Variants in SEMA3C observed in about 807,000 individuals in gnomAD.
The protein encoded by SEMA3C is semaphorin-3C.
SEMA3C carries 47 observed loss-of-function variants against 89.4 expected under a neutral mutation model. That is an observed-to-expected ratio of 0.53 (90% CI 0.42 to 0.67). The LOEUF is 0.67. Among genes scored for constraint, SEMA3C ranks in the 30% least tolerant of loss-of-function variants. The probability of loss-of-function intolerance (pLI) is 0.00; values close to 1 mark genes in which losing one functional copy is unlikely to be tolerated. For synonymous variants in SEMA3C, 310 were observed against 320.2 expected (o/e 0.97, Z 0.34); for missense variants, 839 against 929.1 (o/e 0.90, Z 1.26).
chr7:80,859,641 A>G (rs1379836076), intron 2 of SEMA3C, among the ~76,000 whole-genome samples: 1 of 152,238 alleles, frequency 6.6e-6, no homozygotes, highest in Non-Finnish European at 1.5e-5. Context: ...TGTGTATTCT[A>G]TATTAACAAT....
At chr7:80,854,728 T>A (rs1356706815) in intron 2 of SEMA3C, among the ~76,000 whole-genome samples, 1 of 152,174 alleles carries the variant, frequency 6.6e-6, no homozygotes, top group Non-Finnish European at 1.5e-5. Flanking sequence ...CGAAATCCAG[T>A]TAGCTTATGA....
chr7:80,769,512 C>A (rs922986794), intron 12 of SEMA3C, among the ~76,000 whole-genome samples: 4 of 152,104 alleles, frequency 2.6e-5, no homozygotes, highest in Non-Finnish European at 5.9e-5. Context: ...ATACTTTATG[C>A]ATACCATTTT....
Position 80,745,162 on chromosome 7 carries a change from T to C in SEMA3C, c.1988A>G (p.Asp663Gly). Residue 663 changes from aspartate to glycine, a missense_variant, in exon 18 of 18, where the codon GAT becomes GGT. Transcript: ENST00000265361. ...TIAKINFKVL[D>G]SEMVAVVTDK... ...CGTCACAACAGCCACCATTTCTGAA[T>C]CTAAAACTTTGAAGTTGATCTTGGC... is the stretch of plus-strand genomic sequence containing the variant. 6.2e-7 allele frequency: 1 copy of C among 1,614,034 alleles called. No individual in the cohort carries two copies. Among genetic ancestry groups the C allele is most frequent in the Non-Finnish European group, 8.5e-7 (1 of 1,179,990 alleles).
intron 2 of SEMA3C, among the ~76,000 whole-genome samples, chr7:80,891,562 G>A (rs531088503): frequency 5.3e-5 from 8 of 152,094 alleles, no homozygotes; most frequent in African/African-American, 1.7e-4. Context: ...AGACATACAT[G>A]CCCTTTCTTT....
intron 2 of SEMA3C, among the ~76,000 whole-genome samples, chr7:80,865,525 C>A (rs985609422): frequency 6.6e-6 from 1 of 152,098 alleles, no homozygotes; most frequent in Non-Finnish European, 1.5e-5. Flanking sequence ...CGGTGGCTCA[C>A]GCCTGTAATC....
rs958600955 is a variant in SEMA3C, at chr7:80,742,681, A to T, written c.*2213T>A. On this transcript the variant is annotated 3_prime_UTR_variant, in exon 18 of 18. Coordinates refer to ENST00000265361, the MANE Select transcript of SEMA3C (RefSeq NM_006379.5). Reference sequence around the variant, plus strand: ...TGACAGTTTCATCATGCTAAAATCTATTCACAAACTTACACTTTGGAAAAA... The same window carrying T: ...TGACAGTTTCATCATGCTAAAATCTTTTCACAAACTTACACTTTGGAAAAA... 2 of 151,950 alleles carry T rather than the reference A, an allele frequency of 1.3e-5. No individual in the cohort carries two copies. Among genetic ancestry groups the T allele is most frequent in the African/African-American group, 4.8e-5 (2 of 41,436 alleles). 9.4% of individuals were successfully genotyped at this position (151,950 alleles called of 1,614,324 possible). A position where few individuals can be genotyped will look rare whatever the true frequency, so the allele number is the denominator to read the frequency against.
At chr7:80,876,101 C>G (rs1791195070) in intron 2 of SEMA3C, among the ~76,000 whole-genome samples, 1 of 152,060 alleles carries the variant, frequency 6.6e-6, no homozygotes, top group African/African-American at 2.4e-5. Flanking sequence ...AGTTTGCCAC[C>G]ATGCACGGTC....
chr7:80,855,540 G>A (rs1475110630), intron 2 of SEMA3C, among the ~76,000 whole-genome samples: 3 of 152,096 alleles, frequency 2.0e-5, no homozygotes, highest in African/African-American at 7.2e-5. Context: ...ACAGCACTGG[G>A]ATTACAAGGT....
At chr7:80,807,277 G>C (rs1291181281) in intron 6 of SEMA3C, among the ~76,000 whole-genome samples, 1 of 151,930 alleles carries the variant, frequency 6.6e-6, no homozygotes, top group Non-Finnish European at 1.5e-5. Flanking sequence ...TGTCATATCT[G>C]TTTTCAAGCA....
intron 11 of SEMA3C, among the ~76,000 whole-genome samples, chr7:80,791,724 T>G (rs1020828767): frequency 1.3e-5 from 2 of 152,190 alleles, no homozygotes; most frequent in Non-Finnish European, 2.9e-5. Flanking sequence ...GTGTTTAATG[T>G]TGACTCAGTA....
intron 2 of SEMA3C, among the ~76,000 whole-genome samples, chr7:80,865,727 G>A (rs1790911331): frequency 6.6e-6 from 1 of 152,114 alleles, no homozygotes; most frequent in Non-Finnish European, 1.5e-5. Context: ...CCCGGGAGGG[G>A]GGGTTACAGT....
intron 13 of SEMA3C, among the ~76,000 whole-genome samples, chr7:80,763,725 A>G (rs539325968): frequency 5.9e-5 from 9 of 152,348 alleles, no homozygotes; most frequent in African/African-American, 2.2e-4. Flanking sequence ...CATTTTTGCT[A>G]TCTTCAAGAA....
chr7:80,857,260 G>T (rs2115969283), intron 2 of SEMA3C, among the ~76,000 whole-genome samples: 1 of 152,194 alleles, frequency 6.6e-6, no homozygotes, highest in East Asian at 1.9e-4. Flanking sequence ...CTCTCATGCA[G>T]GTTTTGGCAT....
intron 11 of SEMA3C, among the ~76,000 whole-genome samples, chr7:80,792,065 G>A (rs951619743): frequency 3.3e-5 from 5 of 152,108 alleles, no homozygotes; most frequent in Non-Finnish European, 5.9e-5. Context: ...GTAATAAAAC[G>A]AAACCTCTCA....
Position 80,750,465 on chromosome 7 carries a change from T to C in SEMA3C, c.1711+804A>G, listed in dbSNP as rs1260337111. ...ATATATATATATATATATATATATA[T>C]ATATATATACACACACACACACACA... On this transcript the variant is annotated intron_variant, in intron 16 of 17. Transcript: ENST00000265361. Among the ~76,000 whole-genome samples, 261 of 63,794 alleles carry C rather than the reference T, an allele frequency of 4.1e-3. 5 individuals are homozygous for C. Among genetic ancestry groups the C allele is most frequent in the Middle Eastern group, 0.026 (4 of 152 alleles). The allele number at this position is 63,794 out of a possible 152,430, so 41.9% of individuals were successfully genotyped here.
intron 17 of SEMA3C, among the ~76,000 whole-genome samples, chr7:80,748,076 T>C (rs746203271): frequency 3.9e-5 from 6 of 152,148 alleles, no homozygotes; most frequent in Non-Finnish European, 7.4e-5. Flanking sequence ...AGAATACACA[T>C]AAATGCGGAA....
intron 2 of SEMA3C, among the ~76,000 whole-genome samples, chr7:80,836,679 A>AAAAC (rs201820910): frequency 0.16 from 23,448 of 150,898 alleles, 2,039 homozygotes; most frequent in East Asian, 0.31. Flanking sequence ...CTCCATCTCA[A>AAAAC]AAACAAACAA....
chr7:80,764,113 A>G (rs1317721877), intron 13 of SEMA3C, among the ~76,000 whole-genome samples: 1 of 152,220 alleles, frequency 6.6e-6, no homozygotes, highest in East Asian at 1.9e-4. Flanking sequence ...GTGCTTATAA[A>G]GTCAGTATTT....
intron 1 of SEMA3C, among the ~76,000 whole-genome samples, 163 bp downstream of exon 1, chr7:80,918,665 C>G (rs1237747927): frequency 6.6e-6 from 1 of 152,172 alleles, no homozygotes; most frequent in Non-Finnish European, 1.5e-5. Context: ...AGAAACAACT[C>G]GAGCAGGGCT....
Sources: gnomAD v4.1 joint callset for allele counts (sites outside exome capture counted in the v4.1 genomes callset) on GRCh38, gnomAD v4.1.1 for gene constraint, MANE v1.5 for transcripts, NCBI Gene and HGNC (gene_info 2026-07-23, HGNC 2026-07-21) for gene names.